The following SCML4 variants were observed in gnomAD, a reference collection of about 807,000 sequenced individuals.
SCML4 encodes the protein Scm polycomb group protein like 4.
SCML4 carries 34 observed loss-of-function variants against 41.1 expected under a neutral mutation model. That is an observed-to-expected ratio of 0.83 (90% CI 0.63 to 1.10). The LOEUF (loss-of-function observed/expected upper bound fraction) is 1.10, where lower values mean the gene tolerates loss of function less well. Among genes scored for constraint, SCML4 ranks in the 50% least tolerant of loss-of-function variants. The pLI is 0.00. For missense variants in SCML4, 522 were observed against 534.1 expected (o/e 0.98, Z 0.22); for synonymous variants, 214 against 220.9 (o/e 0.97, Z 0.28).
At chr6:107,765,718 C>G (rs6899497) in intron 2 of SCML4, among the ~76,000 whole-genome samples, 42,671 of 151,996 alleles carry the variant, frequency 0.28, 8,467 homozygotes, top group African/African-American at 0.57. Flanking sequence ...TTTTACGACT[C>G]CATCTGTATT....
intron 1 of SCML4, among the ~76,000 whole-genome samples, chr6:107,803,307 C>A (rs1409954874): frequency 6.7e-6 from 1 of 148,742 alleles, no homozygotes; most frequent in Non-Finnish European, 1.5e-5. Flanking sequence ...GGAGCCCCTC[C>A]GCCCGGCAGC....
chr6:107,837,392 T>G, the SCML4 span, among the ~76,000 whole-genome samples: 2 of 152,222 alleles, frequency 1.3e-5, no homozygotes, highest in African/African-American at 2.4e-5. Flanking sequence ...GTGCTCAGAT[T>G]CTAGGCATTA....
intron 2 of SCML4, among the ~76,000 whole-genome samples, chr6:107,763,743 A>G (rs548353561): frequency 5.3e-5 from 8 of 152,316 alleles, no homozygotes; most frequent in Non-Finnish European, 7.4e-5. Flanking sequence ...CGCTGTCTCC[A>G]CCATGTGAGG....
intron 1 of SCML4, among the ~76,000 whole-genome samples, chr6:107,818,924 C>T (rs1330312876): frequency 2.6e-5 from 4 of 152,230 alleles, no homozygotes; most frequent in African/African-American, 9.6e-5. Context: ...GAAAAACATA[C>T]TCCTTAGTGT....
At chr6:107,738,434 C>A (rs1383754510) in intron 5 of SCML4, among the ~76,000 whole-genome samples, 1 of 151,544 alleles carries the variant, frequency 6.6e-6, no homozygotes, top group African/African-American at 2.4e-5. Flanking sequence ...CCAGCCTGGG[C>A]AACATGTCAA....
At chr6:107,759,261 C>T (rs1480399687) in intron 2 of SCML4, among the ~76,000 whole-genome samples, 2 of 151,694 alleles carry the variant, frequency 1.3e-5, no homozygotes, top group Non-Finnish European at 2.9e-5. Flanking sequence ...GCCTGGGAGG[C>T]GGAGGTTGCA....
At chr6:107,834,719 G>A in the SCML4 span, among the ~76,000 whole-genome samples, 36 of 152,188 alleles carry the variant, frequency 2.4e-4, 2 homozygotes, top group Admixed American at 6.5e-5. Context: ...GCTGAGGCAG[G>A]CAGATCTCTT....
intron 1 of SCML4, among the ~76,000 whole-genome samples, chr6:107,793,917 C>T (rs1378878642): frequency 1.3e-5 from 2 of 152,048 alleles, no homozygotes; most frequent in East Asian, 1.9e-4. Flanking sequence ...CCAGCCTGGG[C>T]GACAGAGTGT....
At chr6:107,756,042 G>T (rs943778089) in intron 2 of SCML4, among the ~76,000 whole-genome samples, 2 of 152,128 alleles carry the variant, frequency 1.3e-5, no homozygotes. Flanking sequence ...TAAATAGGTG[G>T]TTGACTCAGT....
At chr6:107,711,693 A>G (rs186600871) in intron 6 of SCML4, among the ~76,000 whole-genome samples, 9 of 152,372 alleles carry the variant, frequency 5.9e-5, no homozygotes, top group African/African-American at 2.2e-4. Context: ...CTGTGTGTGT[A>G]ATCTTTACTT....
At chr6:107,769,333 G>A (rs1175359242) in intron 2 of SCML4, among the ~76,000 whole-genome samples, 5 of 152,168 alleles carry the variant, frequency 3.3e-5, no homozygotes, top group South Asian at 2.1e-4. Flanking sequence ...ACACCTGACC[G>A]CCAGTGTAAC....
intron 6 of SCML4, 79 bp downstream of exon 6, chr6:107,720,624 C>G (rs766300719): frequency 6.9e-7 from 1 of 1,451,704 alleles, no homozygotes; most frequent in Non-Finnish European, 9.1e-7. Flanking sequence ...CCACACTCCC[C>G]CTTCCCCAGA....
At chr6:107,835,465 TAC>T in the SCML4 span, among the ~76,000 whole-genome samples, 1 of 151,756 alleles carries the variant, frequency 6.6e-6, no homozygotes, top group Non-Finnish European at 1.5e-5. Context: ...GTAAGCTGGG[TAC>T]AGTGACTCAC....
intron 1 of SCML4, among the ~76,000 whole-genome samples, chr6:107,781,109 T>C (rs561705270): frequency 1.3e-5 from 2 of 152,148 alleles, no homozygotes; most frequent in Non-Finnish European, 2.9e-5. Context: ...TTTTGTTCTG[T>C]TGAGTACTGA....
At chr6:107,743,359 A>G (rs546268564) in intron 5 of SCML4, among the ~76,000 whole-genome samples, 58 of 152,320 alleles carry the variant, frequency 3.8e-4, no homozygotes, top group African/African-American at 1.4e-3. Flanking sequence ...CAATTAGAGG[A>G]CAATGGGAGA....
At chr6:107,722,374 G>C (rs1485638528) in intron 5 of SCML4, among the ~76,000 whole-genome samples, 2 of 151,886 alleles carry the variant, frequency 1.3e-5, no homozygotes, top group South Asian at 2.1e-4. Context: ...CTTTTGGGGG[G>C]TGGGGGAAGT....
intron 5 of SCML4, among the ~76,000 whole-genome samples, chr6:107,726,075 T>TAAA (rs1775928808): frequency 3.7e-5 from 1 of 27,028 alleles, no homozygotes; most frequent in African/African-American, 1.1e-4. Flanking sequence ...AGACCCAGTC[T>TAAA]CAAAAAAAAA....
intron 1 of SCML4, among the ~76,000 whole-genome samples, chr6:107,774,388 T>G (rs73762070): frequency 2.6e-4 from 40 of 152,198 alleles, no homozygotes; most frequent in Non-Finnish European, 5.0e-4. Flanking sequence ...GATGAGGGAC[T>G]ATAAGCTCAT....
Position 107,744,446 on chromosome 6 carries a change from G to A in SCML4, c.682+503C>T, listed in dbSNP as rs75361463. Among the ~76,000 whole-genome samples the A allele has an allele frequency of 4.4e-3, 665 of 152,286 alleles. 11 individuals carry two copies. The East Asian group carries it at 0.064, about 15-fold the overall frequency. On this transcript the variant is annotated intron_variant, in intron 5 of 7. Coordinates refer to ENST00000369020, the MANE Select transcript of SCML4 (RefSeq NM_198081.5). ...GAAGACATATTTAATATATGGCCCC[G>A]TCAAATCCCTGCAATAATAGACACT...
Sources: allele counts gnomAD v4.1 joint callset (sites outside exome capture counted in the v4.1 genomes callset), GRCh38; gene constraint gnomAD v4.1.1; transcripts MANE v1.5; gene names NCBI Gene and HGNC (gene_info 2026-07-23, HGNC 2026-07-21).